The following SLC9C2 variants were observed in gnomAD, a reference collection of about 807,000 sequenced individuals.
SLC9C2 encodes sodium/hydrogen exchanger 11.
Under a neutral mutation model 140.2 loss-of-function variants are expected in SLC9C2, and 75 were observed. That is an observed-to-expected ratio of 0.53 (90% confidence interval 0.44 to 0.65). The LOEUF (loss-of-function observed/expected upper bound fraction) is 0.65. Among genes scored for constraint, SLC9C2 ranks in the 30% least tolerant of loss-of-function variants. The pLI is 0.00. For missense variants in SLC9C2, 1,074 were observed against 1,331.8 expected (o/e 0.81, Z 3.01); for synonymous variants, 375 against 420.9 (o/e 0.89, Z 1.34).
intron 3 of SLC9C2, among the ~76,000 whole-genome samples, chr1:173,598,664 A>T (rs1666580377): frequency 1.3e-5 from 2 of 152,210 alleles, no homozygotes; most frequent in Non-Finnish European, 2.9e-5. Context: ...CCTATACCTC[A>T]GTTTGCTCAT....
At chr1:173,577,961 A>G (rs564105142) in intron 7 of SLC9C2, among the ~76,000 whole-genome samples, 3 of 151,928 alleles carry the variant, frequency 2.0e-5, no homozygotes, top group African/African-American at 7.3e-5. Context: ...CAGGGAAACT[A>G]TCTTTCAATT....
At chr1:173,585,655 A>G (rs1665808273) in intron 5 of SLC9C2, among the ~76,000 whole-genome samples, 1 of 152,268 alleles carries the variant, frequency 6.6e-6, no homozygotes, top group Non-Finnish European at 1.5e-5. Flanking sequence ...TACCTTCACT[A>G]GTTTCGTCTT....
intron 10 of SLC9C2, 117 bp from the exon 11 acceptor site, chr1:173,554,931 A>T (rs1663566040): frequency 1.4e-6 from 1 of 708,918 alleles, no homozygotes; most frequent in Non-Finnish European, 2.4e-6. Context: ...CACATTTTAA[A>T]ATCCTGTTTC....
At chr1:173,586,452 C>T (rs544717592) in intron 5 of SLC9C2, among the ~76,000 whole-genome samples, 2 of 152,232 alleles carry the variant, frequency 1.3e-5, no homozygotes, top group Admixed American at 1.3e-4. Flanking sequence ...AAACAGAAAC[C>T]ATAGCATCTA....
At chr1:173,505,364 G>A (rs1359838579) in intron 25 of SLC9C2, 33 bp from the exon 26 acceptor site, 2 of 1,519,508 alleles carry the variant, frequency 1.3e-6, no homozygotes, top group Admixed American at 1.7e-5. Flanking sequence ...AGTCAAAAGA[G>A]CATTCTTTGA....
At chr1:173,575,867 C>T (rs1461857345) in intron 8 of SLC9C2, among the ~76,000 whole-genome samples, 4 of 152,116 alleles carry the variant, frequency 2.6e-5, no homozygotes, top group Non-Finnish European at 5.9e-5. Flanking sequence ...CGTGAGCCAC[C>T]GTGCCCGGCC....
At chr1:173,573,896 G>A (rs182058380) in intron 8 of SLC9C2, among the ~76,000 whole-genome samples, 1 of 152,300 alleles carries the variant, frequency 6.6e-6, no homozygotes, top group Admixed American at 6.5e-5. Flanking sequence ...AGCACCCTAG[G>A]TGGAGGTGGT....
intron 13 of SLC9C2, among the ~76,000 whole-genome samples, chr1:173,542,406 T>A (rs1383342279): frequency 1.3e-5 from 2 of 152,174 alleles, no homozygotes; most frequent in East Asian, 3.9e-4. Flanking sequence ...CCAAACAGAT[T>A]CACAGCCAAA....
chr1:173,514,292 G>T (rs1388954397), intron 23 of SLC9C2, among the ~76,000 whole-genome samples: 1 of 152,194 alleles, frequency 6.6e-6, no homozygotes, highest in Non-Finnish European at 1.5e-5. Context: ...GGGAGTCCAA[G>T]TCTCTTTGTA....
intron 19 of SLC9C2, 83 bp downstream of exon 19, chr1:173,526,580 T>C: frequency 1.6e-6 from 2 of 1,230,034 alleles, no homozygotes; most frequent in African/African-American, 3.1e-5. Context: ...AGCAAGTAAA[T>C]GAAAGCATGA....
At chr1:173,538,873 A>T (rs1343028003) in intron 13 of SLC9C2, among the ~76,000 whole-genome samples, 1 of 152,136 alleles carries the variant, frequency 6.6e-6, no homozygotes, top group East Asian at 1.9e-4. Context: ...TTGTGCTTTG[A>T]CTTAATATCA....
chr1:173,599,823 C>T (rs1473468882), intron 3 of SLC9C2, among the ~76,000 whole-genome samples: 1 of 152,098 alleles, frequency 6.6e-6, no homozygotes, highest in African/African-American at 2.4e-5. Flanking sequence ...AGGCTGGTCT[C>T]AAACTCCTGG....
At chr1:173,570,018 GC>G (rs1348945915) in intron 9 of SLC9C2, among the ~76,000 whole-genome samples, 4 of 152,104 alleles carry the variant, frequency 2.6e-5, no homozygotes, top group African/African-American at 9.7e-5. Flanking sequence ...CTTCAAGCCA[GC>G]TTTTAATGAA....
At chr1:173,551,163 G>T (rs1287312457) in intron 11 of SLC9C2, among the ~76,000 whole-genome samples, 3 of 152,052 alleles carry the variant, frequency 2.0e-5, no homozygotes, top group Non-Finnish European at 4.4e-5. Context: ...GAATATAGCA[G>T]GCTACTTCCA....
At chr1:173,595,240 C>T (rs1666376708) in intron 4 of SLC9C2, among the ~76,000 whole-genome samples, 1 of 152,028 alleles carries the variant, frequency 6.6e-6, no homozygotes, top group Non-Finnish European at 1.5e-5. Flanking sequence ...CTCTTAAGGA[C>T]CCAGGCTCTT....
intron 27 of SLC9C2, among the ~76,000 whole-genome samples, chr1:173,502,203 G>C (rs1385672173): frequency 7.4e-6 from 1 of 135,662 alleles, no homozygotes; most frequent in East Asian, 2.3e-4. Flanking sequence ...AATCCAGGAA[G>C]CAAAGGTTGC....
intron 15 of SLC9C2, among the ~76,000 whole-genome samples, chr1:173,535,414 T>C (rs1661873736): frequency 6.6e-6 from 1 of 152,224 alleles, no homozygotes. Flanking sequence ...ACAGGTATTA[T>C]TAAGGCCATG....
At chr1:173,601,893 A>G (rs1262157803) in intron 1 of SLC9C2, 38 bp from the exon 2 acceptor site, 2 of 1,205,226 alleles carry the variant, frequency 1.7e-6, no homozygotes, top group African/African-American at 1.5e-5. Context: ...ACCTACCAAG[A>G]TCCAATTCAT....
chr1:173,556,281 G>T (rs1471543949), intron 10 of SLC9C2, among the ~76,000 whole-genome samples: 6 of 152,130 alleles, frequency 3.9e-5, no homozygotes, highest in Admixed American at 2.6e-4. Context: ...TGGGCTCTTT[G>T]AATCTTGCCT....
Sources: allele counts gnomAD v4.1 joint callset (sites outside exome capture counted in the v4.1 genomes callset), GRCh38; gene constraint gnomAD v4.1.1; transcripts MANE v1.5; gene names NCBI Gene and HGNC (gene_info 2026-07-23, HGNC 2026-07-21).